PDE4D: variants seen among roughly 807,000 people sequenced by gnomAD.
The protein encoded by PDE4D is 3',5'-cyclic-AMP phosphodiesterase 4D.
PDE4D carries 24 observed loss-of-function variants against 87.4 expected under a neutral mutation model. The ratio of observed to expected loss-of-function variants is 0.27; its 90% CI spans 0.20 to 0.39. PDE4D has a LOEUF of 0.39. Ranked by LOEUF, PDE4D falls within the 10% of genes least tolerant of loss-of-function variation. PDE4D has a pLI of 1.00. For synonymous variants in PDE4D, 384 were observed against 383.2 expected (o/e 1.00, Z -0.02); for missense variants, 714 against 1,041.0 (o/e 0.69, Z 4.32).
In PDE4D at chr5:59,169,214, A is replaced by T. The variant is rs567853377; in HGVS notation, c.808+11381T>A. On this transcript the variant is annotated intron_variant, in intron 5 of 14. Transcript: ENST00000340635. ...TTCAACATTTTGCCCCACCACAGTC[A>T]CTGTATTTCTGAGTATGCCTAGAAT... Among the ~76,000 whole-genome samples the T allele has an allele frequency of 4.6e-5, 7 of 152,302 alleles. No homozygotes were observed. In the South Asian group the frequency reaches 1.5e-3, roughly 32 times the overall value.
chr5:60,176,188 C>A (rs1239900757), intron 2 of PDE4D, among the ~76,000 whole-genome samples: 1 of 152,118 alleles, frequency 6.6e-6, no homozygotes, highest in African/African-American at 2.4e-5. Flanking sequence ...CTTAGCAATT[C>A]ATTAAAATGT....
chr5:60,106,456 G>A (rs1397257180), intron 2 of PDE4D, among the ~76,000 whole-genome samples: 5 of 151,976 alleles, frequency 3.3e-5, no homozygotes, highest in South Asian at 4.2e-4. Context: ...CAACGAGACA[G>A]AAAGTTAACA....
At chr5:60,315,998 A>C (rs1210972294) in intron 1 of PDE4D, among the ~76,000 whole-genome samples, 1 of 152,142 alleles carries the variant, frequency 6.6e-6, no homozygotes, top group African/African-American at 2.4e-5. Flanking sequence ...ATGAACTTTA[A>C]AGTAGTTTTT....
chr5:59,010,336 A>G (rs1047610840), intron 6 of PDE4D, among the ~76,000 whole-genome samples: 1 of 152,156 alleles, frequency 6.6e-6, no homozygotes, highest in African/African-American at 2.4e-5. Context: ...AAATAAAATA[A>G]TAAGAGAAGC....
At chr5:60,358,145 C>T (rs997468848) in intron 1 of PDE4D, among the ~76,000 whole-genome samples, 3 of 152,186 alleles carry the variant, frequency 2.0e-5, no homozygotes, top group African/African-American at 7.2e-5. Flanking sequence ...TTTGACCACT[C>T]TGCTATACTG....
At chr5:59,482,429 CAG>C (rs1356348962) in intron 1 of PDE4D, among the ~76,000 whole-genome samples, 1 of 152,070 alleles carries the variant, frequency 6.6e-6, no homozygotes, top group Non-Finnish European at 1.5e-5. Flanking sequence ...CCTTCTTTTA[CAG>C]TTGTAAAGTG....
At chr5:59,019,828 T>C (rs1376496215) in intron 6 of PDE4D, among the ~76,000 whole-genome samples, 3 of 152,170 alleles carry the variant, frequency 2.0e-5, no homozygotes, top group Non-Finnish European at 4.4e-5. Context: ...AGGCTTACAT[T>C]ATATGGCTGG....
chr5:59,074,903 T>A (rs1377686965), intron 5 of PDE4D, among the ~76,000 whole-genome samples: 1 of 152,166 alleles, frequency 6.6e-6, no homozygotes, highest in Non-Finnish European at 1.5e-5. Context: ...TTTAGAGCAC[T>A]TTTTATTATA....
At chr5:59,058,587 C>G (rs1195986434) in intron 5 of PDE4D, among the ~76,000 whole-genome samples, 1 of 152,122 alleles carries the variant, frequency 6.6e-6, no homozygotes, top group Non-Finnish European at 1.5e-5. Flanking sequence ...CATCTAGACA[C>G]CCTACTTATG....
chr5:60,478,291 T>A (rs1012949718), intron 1 of PDE4D, among the ~76,000 whole-genome samples: 1 of 152,212 alleles, frequency 6.6e-6, no homozygotes, highest in African/African-American at 2.4e-5. Flanking sequence ...ACCGTTAGCA[T>A]CCCCTTAAAT....
intron 1 of PDE4D, among the ~76,000 whole-genome samples, chr5:59,442,530 G>T (rs1249412473): frequency 6.6e-6 from 1 of 152,206 alleles, no homozygotes; most frequent in Admixed American, 6.5e-5. Context: ...CATAATGTGA[G>T]TGAACAAATA....
intron 2 of PDE4D, among the ~76,000 whole-genome samples, chr5:60,065,331 T>C (rs150092383): frequency 6.6e-6 from 1 of 152,124 alleles, no homozygotes; most frequent in Non-Finnish European, 1.5e-5. Context: ...ATCTATTATT[T>C]ATTTTATGTA....
At chr5:59,756,509 T>TAC (rs3062590) in intron 1 of PDE4D, among the ~76,000 whole-genome samples, 2,159 of 145,014 alleles carry the variant, frequency 0.015, 63 homozygotes, top group East Asian at 0.083. Context: ...ACCCAAAACA[T>TAC]ACACACACAC....
intron 1 of PDE4D, among the ~76,000 whole-genome samples, chr5:59,880,359 C>T (rs1308921515): frequency 6.6e-6 from 1 of 152,156 alleles, no homozygotes; most frequent in African/African-American, 2.4e-5. Context: ...ATAATCCCGC[C>T]TCGGCCTCCT....
intron 6 of PDE4D, among the ~76,000 whole-genome samples, chr5:59,038,256 C>T (rs1758900561): frequency 6.6e-6 from 1 of 152,176 alleles, no homozygotes; most frequent in Non-Finnish European, 1.5e-5. Flanking sequence ...CTAGTTGAAG[C>T]CTCCTTGTAC....
chr5:60,248,337 C>T (rs77972235), intron 1 of PDE4D, among the ~76,000 whole-genome samples: 1 of 152,080 alleles, frequency 6.6e-6, no homozygotes, highest in African/African-American at 2.4e-5. Flanking sequence ...GAGCGAGTGA[C>T]AGTAAGAGTG....
chr5:59,075,387 T>C lies in PDE4D; in HGVS notation c.809-36416A>G, dbSNP rs1210048458. Among the ~76,000 whole-genome samples, 8 of 152,262 alleles carry C rather than the reference T, an allele frequency of 5.3e-5. No individual in the cohort carries two copies. In the East Asian group the frequency reaches 7.7e-4, roughly 15 times the overall value. ...TGTTTTAGTTTGCTTTTCTGAGCAG[T>C]AGATATCCTCCCAATTGGAGATTCC... On this transcript the variant is annotated intron_variant, in intron 5 of 14. Coordinates refer to ENST00000340635, the MANE Select transcript of PDE4D (RefSeq NM_001104631.2).
Position 60,222,407 on chromosome 5 carries a change from T to C in PDE4D, c.-89-36720A>G, listed in dbSNP as rs148535276. On this transcript the variant is annotated intron_variant, in intron 1 of 16. Transcript: ENST00000502484. ...TGAGTCCAAACCACCTAAACCCTCATCTGAATTACTGATTCCCCAGAAATT... is the reference window on the plus strand; with the variant it reads ...TGAGTCCAAACCACCTAAACCCTCACCTGAATTACTGATTCCCCAGAAATT... Among the ~76,000 whole-genome samples, 79 of 152,216 alleles carry C rather than the reference T, an allele frequency of 5.2e-4. 1 individual carries two copies. The highest frequency in any genetic ancestry group is 6.8e-3 in the Middle Eastern group (2 of 294).
upstream of PDE4D, among the ~76,000 whole-genome samples, chr5:59,893,970 C>A (rs527377760): frequency 2.6e-5 from 4 of 152,202 alleles, no homozygotes; most frequent in African/African-American, 9.6e-5. Context: ...GCGCCGGCGG[C>A]GAGAGCAGGG....
Sources: allele counts gnomAD v4.1 joint callset (sites outside exome capture counted in the v4.1 genomes callset), GRCh38; gene constraint gnomAD v4.1.1; transcripts MANE v1.5; gene names NCBI Gene and HGNC (gene_info 2026-07-23, HGNC 2026-07-21).